The following MANBA variants were observed in gnomAD, a reference collection of about 807,000 sequenced individuals.
The protein encoded by MANBA is beta-mannosidase.
A neutral mutation model predicts 111.1 loss-of-function variants in MANBA; 83 were observed. That is an observed-to-expected ratio of 0.75 (90% CI 0.63 to 0.90). The LOEUF is 0.90. Ranked by LOEUF, MANBA falls within the 40% of genes least tolerant of loss-of-function variation. The probability of loss-of-function intolerance (pLI) is 0.00; values close to 1 mark genes in which losing one functional copy is unlikely to be tolerated. For missense variants in MANBA, 1,036 were observed against 1,069.0 expected (o/e 0.97, Z 0.43); for synonymous variants, 370 against 378.7 (o/e 0.98, Z 0.27).
At chr4:102,709,291 G>A (rs1177648534) in intron 5 of MANBA, among the ~76,000 whole-genome samples, 1 of 47,678 alleles carries the variant, frequency 2.1e-5, no homozygotes, top group South Asian at 4.0e-4. Context: ...AGAAAGGAAG[G>A]AAGGAAGGAA....
At chr4:102,657,192 G>A (rs985645663) in intron 12 of MANBA, among the ~76,000 whole-genome samples, 9 of 122,350 alleles carry the variant, frequency 7.4e-5, no homozygotes, top group African/African-American at 2.8e-4. Context: ...ACACCAACAT[G>A]ATGAAAAAGA....
At chr4:102,709,538 T>C (rs553907931) in intron 5 of MANBA, among the ~76,000 whole-genome samples, 175 of 152,248 alleles carry the variant, frequency 1.1e-3, no homozygotes, top group Non-Finnish European at 2.3e-3. Context: ...CAGGACTGGA[T>C]GCCTTCACTG....
At chr4:102,725,991 A>C (rs939622735) in intron 2 of MANBA, among the ~76,000 whole-genome samples, 3 of 152,198 alleles carry the variant, frequency 2.0e-5, no homozygotes, top group Non-Finnish European at 4.4e-5. Context: ...TACGAAAGAT[A>C]TTCTAAATAT....
At position 102,638,139 on chromosome 4, in the gene MANBA, T is replaced by C. The variant is rs988018839; in HGVS notation, c.2014+1574A>G. ...GAGTGAGGGAATTAACAAAGCACTT[T>C]TAGGCCAGGTGCGGTGGCTCATGCC... On this transcript the variant is annotated intron_variant, in intron 14 of 16. Transcript: ENST00000647097. Among the ~76,000 whole-genome samples the C allele has an allele frequency of 3.3e-5, 5 of 152,226 alleles. 1 individual carries two copies. The Middle Eastern group carries it at 0.01, about 313-fold the overall frequency.
intron 1 of MANBA, among the ~76,000 whole-genome samples, chr4:102,755,333 T>C: frequency 6.6e-6 from 1 of 152,212 alleles, no homozygotes; most frequent in Non-Finnish European, 1.5e-5. Context: ...TACAACCATC[T>C]GATCTTTGAC....
chr4:102,643,535 A>C (rs1451635115), intron 13 of MANBA, among the ~76,000 whole-genome samples: 1 of 152,160 alleles, frequency 6.6e-6, no homozygotes, highest in South Asian at 2.1e-4. Context: ...GAGGGTTCCA[A>C]TTTCTCCACA....
At chr4:102,755,784 T>C (rs534270932) in intron 1 of MANBA, among the ~76,000 whole-genome samples, 4 of 151,854 alleles carry the variant, frequency 2.6e-5, no homozygotes, top group Admixed American at 6.6e-5. Flanking sequence ...CAAGAAAAAA[T>C]CAAACAACCC....
At chr4:102,751,552 T>C (rs140671798) in intron 1 of MANBA, 3 of 534,872 alleles carry the variant, frequency 5.6e-6, no homozygotes, top group East Asian at 5.4e-5. Flanking sequence ...CACAAACATA[T>C]GGAGTTTTAT....
chr4:102,673,811 C>T lies in MANBA; in HGVS notation c.1112+108G>A, dbSNP rs1480090865. The T allele has an allele frequency of 7.1e-6, 7 of 990,506 alleles. 1 individual carries two copies. The African/African-American group carries it at 9.7e-5, about 14-fold the overall frequency. The allele number at this position is 990,506 out of a possible 1,614,324, so 61.4% of individuals were successfully genotyped here. On this transcript the variant is annotated intron_variant, in intron 8 of 16. Coordinates refer to ENST00000647097, the MANE Select transcript of MANBA (RefSeq NM_005908.4). Reference sequence around the variant, plus strand: ...TTCCATCGTCTAGAATTCTATACTACCTCTTAGTTCCTTGCCCAGAGACTA... The same window carrying T: ...TTCCATCGTCTAGAATTCTATACTATCTCTTAGTTCCTTGCCCAGAGACTA...
Position 102,632,064 on chromosome 4 carries a change from A to G in MANBA, c.2633T>C (p.Ile878Thr), listed in dbSNP as rs145756079. The change falls in exon 17 of 17, where the codon ATT becomes ACT. Residue 878 changes from isoleucine (I) to threonine (T), a missense_variant. Ile to Thr is a moderately conservative substitution (Grantham distance 89, BLOSUM62 -1). Coordinates refer to ENST00000647097, the MANE Select transcript of MANBA (RefSeq NM_005908.4). The stretch of plus-strand genomic sequence containing the variant: ...AATACAACCTAGATTCCTTCAGTAA[A>G]TATCTGTTAAGGAGGTCACATGAAA... ...QSFHVTSLTD[I>T]Y 3.4e-5 allele frequency: 55 copies of G among 1,595,836 alleles called. No homozygotes were observed. The African/African-American group carries it at 6.4e-4, about 19-fold the overall frequency.
intron 11 of MANBA, among the ~76,000 whole-genome samples, chr4:102,659,665 C>A (rs988649004): frequency 4.6e-5 from 7 of 152,122 alleles, no homozygotes; most frequent in Non-Finnish European, 1.0e-4. Flanking sequence ...CCTCTCATTC[C>A]TAAACCCCTG....
Position 102,668,980 on chromosome 4 carries a change from C to T in MANBA, c.1300G>A (p.Ala434Thr), listed in dbSNP as rs753441236. Residue 434 changes from alanine (A) to threonine (T), a missense_variant, in exon 10 of 17, where the codon GCA becomes ACA. Ala to Thr is a moderately conservative substitution (Grantham distance 58). Coordinates refer to ENST00000647097, the MANE Select transcript of MANBA (RefSeq NM_005908.4). ...TAACATACCTGGTAGGCAACTTCTG[C>T]TGTCACTGAATCCAGGAAGCCCTGA... ...TDQGFLDSVT[A>T]EVAYQIKRLK... 10 of 1,613,046 alleles carry T rather than the reference C, an allele frequency of 6.2e-6. No individual in the cohort carries two copies. The Admixed American group carries it at 1.7e-4, about 27-fold the overall frequency.
At chr4:102,672,239 A>C in intron 8 of MANBA, 1 of 395,618 alleles carries the variant, frequency 2.5e-6, no homozygotes, top group Admixed American at 4.4e-5. Flanking sequence ...TACATTCTAA[A>C]CATCAAATAA....
At chr4:102,669,360 C>T (rs960486928) in intron 9 of MANBA, among the ~76,000 whole-genome samples, 1 of 152,128 alleles carries the variant, frequency 6.6e-6, no homozygotes, top group Admixed American at 6.6e-5. Flanking sequence ...TTCCCTCCAG[C>T]CCCTTGTCAC....
At chr4:102,668,487 C>G in intron 10 of MANBA, 1 of 179,212 alleles carries the variant, frequency 5.6e-6, no homozygotes, top group Admixed American at 5.4e-5. Context: ...ATTTATATAT[C>G]TGTGAATATA....
At chr4:102,725,295 C>G (rs77602774) in intron 2 of MANBA, among the ~76,000 whole-genome samples, 2,072 of 152,042 alleles carry the variant, frequency 0.014, 42 homozygotes, top group African/African-American at 0.045. Flanking sequence ...GTAGAAATGA[C>G]TGGGTGGAGG....
intron 5 of MANBA, among the ~76,000 whole-genome samples, chr4:102,696,779 A>C (rs1732729126): frequency 6.6e-6 from 1 of 152,166 alleles, no homozygotes; most frequent in African/African-American, 2.4e-5. Context: ...TCTTTAATAG[A>C]GTATGAAAAG....
intron 1 of MANBA, chr4:102,751,691 G>A (rs1723806569): frequency 1.8e-6 from 1 of 542,692 alleles, no homozygotes; most frequent in Non-Finnish European, 3.8e-6. Flanking sequence ...AGCAATGCAT[G>A]TTCCATGATG....
intron 1 of MANBA, chr4:102,751,948 T>G: frequency 1.5e-6 from 1 of 687,334 alleles, no homozygotes; most frequent in Non-Finnish European, 2.8e-6. Flanking sequence ...AGCCCGACCG[T>G]GCTGCAGAGG....
Sources: gnomAD v4.1 joint callset for allele counts (sites outside exome capture counted in the v4.1 genomes callset) on GRCh38, gnomAD v4.1.1 for gene constraint, MANE v1.5 for transcripts, NCBI Gene and HGNC (gene_info 2026-07-23, HGNC 2026-07-21) for gene names.